PA2G4: variants seen among roughly 807,000 people sequenced by gnomAD.
The protein encoded by PA2G4 is proliferation-associated protein 2G4.
In PA2G4, 8 loss-of-function variants were observed where a neutral mutation model predicts 53.3. The ratio of observed to expected loss-of-function variants is 0.15; its 90% CI spans 0.09 to 0.27. The LOEUF is 0.27. Ranked by LOEUF, PA2G4 falls within the 10% of genes least tolerant of loss-of-function variation. PA2G4 has a pLI of 1.00. For missense variants in PA2G4, 208 were observed against 486.8 expected, an observed-to-expected ratio of 0.43 and a Z score of 5.39; for synonymous variants, 143 against 169.8, an observed-to-expected ratio of 0.84 and a Z score of 1.23.
At chr12:56,112,428 T>C (rs932260148) in intron 12 of PA2G4, among the ~76,000 whole-genome samples, 5 of 152,108 alleles carry the variant, frequency 3.3e-5, no homozygotes, top group Non-Finnish European at 7.4e-5. Context: ...GTCAGAGACC[T>C]GTATGTCTTT....
At chr12:56,107,839 G>A (rs1269590331) in intron 5 of PA2G4, among the ~76,000 whole-genome samples, 1 of 152,078 alleles carries the variant, frequency 6.6e-6, no homozygotes, top group Non-Finnish European at 1.5e-5. Flanking sequence ...GACCAGCCTG[G>A]GAAACATGGT....
intron 7 of PA2G4, 104 bp downstream of exon 7, chr12:56,110,039 C>A (rs1200512398): frequency 3.6e-6 from 3 of 822,838 alleles, no homozygotes; most frequent in Non-Finnish European, 6.3e-6. Context: ...TCCATGTTTT[C>A]AGGAGTGACC....
At chr12:56,105,257 C>T (rs1235968779) in intron 1 of PA2G4, among the ~76,000 whole-genome samples, 1 of 152,182 alleles carries the variant, frequency 6.6e-6, no homozygotes, top group Non-Finnish European at 1.5e-5. Flanking sequence ...GGAGCCAAGC[C>T]GGCACGTGTT....
rs758026428 is a variant in PA2G4, at chr12:56,104,642, G to T, written c.-96G>T. ...CGCTTTCGCTCGCCCTCTCCTCGAG[G>T]ATCGAGGGGACTCTGACCACAGCCT... On this transcript the variant is annotated 5_prime_UTR_variant, in exon 1 of 13. Transcript: ENST00000303305. 16 of 1,154,082 alleles carry T rather than the reference G, an allele frequency of 1.4e-5. No individual in the cohort carries two copies. The South Asian group carries it at 2.0e-4, about 14-fold the overall frequency. 71.5% of individuals were successfully genotyped at this position (1,154,082 alleles called of 1,614,324 possible). A position where few individuals can be genotyped will look rare whatever the true frequency, so the allele number is the denominator to read the frequency against.
intron 5 of PA2G4, among the ~76,000 whole-genome samples, 181 bp from the exon 6 acceptor site, chr12:56,109,049 C>A (rs575261816): frequency 4.0e-5 from 6 of 150,704 alleles, no homozygotes; most frequent in African/African-American, 1.5e-4. Flanking sequence ...TAGCTTGAAC[C>A]CGGGAGGCAG....
At chr12:56,111,106 T>C (rs949535085) in intron 10 of PA2G4, 48 bp downstream of exon 10, 1 of 1,612,514 alleles carries the variant, frequency 6.2e-7, no homozygotes, top group African/African-American at 1.3e-5. Context: ...TTATAAGATA[T>C]CCTTCCTGTA....
Position 56,113,072 on chromosome 12 carries a change from C to G in PA2G4, c.*184C>G, listed in dbSNP as rs531750383. 10 of 460,848 alleles carry G rather than the reference C, an allele frequency of 2.2e-5. No individual in the cohort carries two copies. In the South Asian group the frequency reaches 4.2e-4, roughly 19 times the overall value. 28.5% of individuals were successfully genotyped at this position (460,848 alleles called of 1,614,324 possible). On this transcript the variant is annotated 3_prime_UTR_variant, in exon 13 of 13. Transcript: ENST00000303305. ...ACAACCAGCTCCAACTGACTCTGGT[C>G]TTGGGAGGTGAGGCTTCCCAACCAC...
Position 56,113,501 on chromosome 12 carries a change from G to C in PA2G4, c.*613G>C. ...TGAAGAGATTCTCATCTATGAAATG[G>C]ATCCTCATTTGTAAATCTTTTTTCT... On this transcript the variant is annotated 3_prime_UTR_variant, in exon 13 of 13. Coordinates refer to ENST00000303305, the MANE Select transcript of PA2G4 (RefSeq NM_006191.3). 1 of 262,906 alleles carries C rather than the reference G, an allele frequency of 3.8e-6. No homozygotes were observed. Among genetic ancestry groups the C allele is most frequent in the South Asian group, 9.4e-5 (1 of 10,636 alleles). 16.3% of individuals were successfully genotyped at this position (262,906 alleles called of 1,614,324 possible).
At chr12:56,112,366 T>C (rs371758905) in intron 12 of PA2G4, among the ~76,000 whole-genome samples, 9 of 152,336 alleles carry the variant, frequency 5.9e-5, no homozygotes, top group African/African-American at 2.2e-4. Context: ...GAAATATCCA[T>C]ATTGCTTTCA....
intron 9 of PA2G4, 115 bp downstream of exon 9, chr12:56,110,807 CCT>C: frequency 7.4e-7 from 1 of 1,349,836 alleles, no homozygotes; most frequent in Non-Finnish European, 1.0e-6. Flanking sequence ...TCACTCCCTC[CCT>C]CTCTCTCCCC....
At chr12:56,108,238 G>A (rs1278296563) in intron 5 of PA2G4, among the ~76,000 whole-genome samples, 1 of 152,004 alleles carries the variant, frequency 6.6e-6, no homozygotes, top group African/African-American at 2.4e-5. Context: ...TCTACAAAAA[G>A]AAAAAAGAAA....
Position 56,110,917 on chromosome 12 carries a change from C to T in PA2G4, c.843-47C>T, listed in dbSNP as rs780945769. 54 of 1,548,046 alleles carry T rather than the reference C, an allele frequency of 3.5e-5. No homozygotes were observed. In the South Asian group the frequency reaches 6.1e-4, roughly 17 times the overall value. On this transcript the variant is annotated intron_variant, in intron 9 of 12. Coordinates refer to ENST00000303305, the MANE Select transcript of PA2G4 (RefSeq NM_006191.3). ...TTAAAATATGAGCAAAATGGTAAGA[C>T]TTGATGGGGAGTTAAAGATACCTCT...
intron 9 of PA2G4, 26 bp from the exon 10 acceptor site, chr12:56,110,938 C>T: frequency 6.3e-7 from 1 of 1,599,480 alleles, no homozygotes; most frequent in East Asian, 2.2e-5. Flanking sequence ...GTTAAAGATA[C>T]CTCTGAATAT....
chr12:56,107,590 C>T lies in PA2G4; in HGVS notation c.463C>T (p.Arg155Cys). 1 of 1,613,248 alleles carries T rather than the reference C, an allele frequency of 6.2e-7. No individual in the cohort carries two copies. The highest frequency in any genetic ancestry group is 8.5e-7 in the Non-Finnish European group (1 of 1,179,190). Reference sequence around the variant, plus strand: ...TCACCTTTGTGCTGAAGCTGCCCTACGCCTGGTCAAACCTGGAAATCAGGT... The same window carrying T: ...TCACCTTTGTGCTGAAGCTGCCCTATGCCTGGTCAAACCTGGAAATCAGGT... ...AAHLCAEAAL[R>C]LVKPGNQNTQ... is the part of the protein sequence containing the mutation. Residue 155 changes from arginine to cysteine, a missense_variant, in exon 5 of 13, where the codon CGC (arginine) becomes TGC (cysteine). Around this residue, in one of 3 missense-constraint regions of PA2G4, gnomAD observed 143 missense variants for 386.8 expected, o/e 0.37. Coordinates refer to ENST00000303305, the MANE Select transcript of PA2G4 (RefSeq NM_006191.3).
At chr12:56,109,775 CT>C (rs1869380106) in intron 6 of PA2G4, 81 bp from the exon 7 acceptor site, 3 of 974,512 alleles carry the variant, frequency 3.1e-6, no homozygotes, top group Admixed American at 1.7e-5. Context: ...CTGCCTACCA[CT>C]TCAAACTACT....
In PA2G4 at chr12:56,104,594, C is replaced by T. The variant is rs1869245268; in HGVS notation, c.-144C>T. 3.5e-6 allele frequency: 3 copies of T among 848,356 alleles called. No individual in the cohort carries two copies. The South Asian group carries it at 4.0e-5, about 11-fold the overall frequency. 52.6% of individuals were successfully genotyped at this position (848,356 alleles called of 1,614,324 possible). ...CTCGCAGCTTCTCGCTCTCGCCTGC[C>T]TGCCCGCTCCCTTGCTTGCTCGCGC... On this transcript the variant is annotated 5_prime_UTR_variant, in exon 1 of 13. Transcript: ENST00000303305.
At chr12:56,107,358 GTC>G in intron 4 of PA2G4, 102 bp downstream of exon 4, 1 of 1,097,708 alleles carries the variant, frequency 9.1e-7, no homozygotes, top group Non-Finnish European at 1.4e-6. Flanking sequence ...AGTTGAGAGA[GTC>G]TCTAGAGAAG....
chr12:56,110,507 G>C, intron 8 of PA2G4, 30 bp downstream of exon 8: 1 of 1,613,780 alleles, frequency 6.2e-7, no homozygotes. Context: ...TGGCAAAGAG[G>C]GGTGACTGAG....
intron 11 of PA2G4, 67 bp from the exon 12 acceptor site, chr12:56,111,409 A>C: frequency 6.2e-7 from 1 of 1,605,498 alleles, no homozygotes; most frequent in African/African-American, 1.3e-5. Flanking sequence ...CAGTACTGAA[A>C]GTAACCCTTT....
Sources: allele counts gnomAD v4.1 joint callset (sites outside exome capture counted in the v4.1 genomes callset), GRCh38; gene constraint gnomAD v4.1.1; regional missense constraint gnomAD v4.1.1; transcripts MANE v1.5; gene names NCBI Gene and HGNC (gene_info 2026-07-23, HGNC 2026-07-21).